Variants in ZFP28 observed in about 807,000 individuals in gnomAD.
ZFP28 encodes zinc finger protein 28 homolog.
Under a neutral mutation model 39.5 loss-of-function variants are expected in ZFP28, and 31 were observed. The observed-to-expected ratio is 0.79, with a 90% CI of 0.59 to 1.06. The LOEUF is 1.06. Ranked by LOEUF, ZFP28 falls within the 50% of genes least tolerant of loss-of-function variation. The pLI is 0.00. For synonymous variants in ZFP28, 400 were observed against 378.6 expected, an observed-to-expected ratio of 1.06 and a Z score of -0.66; for missense variants, 925 against 1,048.4, an observed-to-expected ratio of 0.88 and a Z score of 1.63.
rs748422450 is a variant in ZFP28 at position 56,550,588 on chromosome 19, C to T, written c.881C>T (p.Thr294Ile). Reference protein sequence around the residue: ...KEPWMVKRELTGSLFSGQRSV... With the variant: ...KEPWMVKRELIGSLFSGQRSV... Reference sequence around the variant, plus strand: ...CCCTGGATGGTGAAGCGAGAGCTGACAGGAAGCCTGTTCTCAGGTGAGTGC... The same window carrying T: ...CCCTGGATGGTGAAGCGAGAGCTGATAGGAAGCCTGTTCTCAGGTGAGTGC... Residue 294 changes from threonine to isoleucine, a missense_variant, in exon 7 of 8, where the codon ACA becomes ATA. Thr to Ile is a moderately conservative substitution (Grantham distance 89). Coordinates refer to ENST00000301318, the MANE Select transcript of ZFP28 (RefSeq NM_020828.2). 1 of 1,613,996 alleles carries T rather than the reference C, an allele frequency of 6.2e-7. No individual in the cohort carries two copies. The highest frequency in any genetic ancestry group is 1.3e-5 in the African/African-American group (1 of 74,926).
rs898072779 is a variant in ZFP28 at position 56,550,059 on chromosome 19, C to A, written c.688-8C>A. The A allele has an allele frequency of 2.5e-6, 4 of 1,604,898 alleles. No individual in the cohort carries two copies. In the African/African-American group the frequency reaches 5.3e-5, roughly 21 times the overall value. ...TTTGATTTAAAAAACGTGCTTTTAC[C>A]ATTGCAGGGCTTGGTGACTATCAAA... On this transcript the variant is annotated splice_polypyrimidine_tract_variant and splice_region_variant and intron_variant, in intron 5 of 7. Coordinates refer to ENST00000301318, the MANE Select transcript of ZFP28 (RefSeq NM_020828.2).
At chr19:56,542,502 T>C (rs893121099) in intron 2 of ZFP28, among the ~76,000 whole-genome samples, 6 of 152,238 alleles carry the variant, frequency 3.9e-5, no homozygotes, top group Non-Finnish European at 7.3e-5. Context: ...TGCATATAGG[T>C]GGACCCTTGC....
chr19:56,539,664 A>AC lies in ZFP28; in HGVS notation c.249dup (p.Lys84GlnfsTer11), dbSNP rs1259711977. On this transcript the variant is annotated frameshift_variant, in exon 2 of 8. Transcript: ENST00000301318. LOFTEE classifies it high-confidence loss of function. ...GACACTGCTCTTCCCCAGGAGAGAA[A>AC]CAAGAAGCTGGAGGCTGTGGGGACA... is the stretch of plus-strand genomic sequence containing the variant. 1.2e-6 allele frequency: 2 copies of AC among 1,613,998 alleles called. No individual in the cohort carries two copies. Among genetic ancestry groups the AC allele is most frequent in the Non-Finnish European group, 1.7e-6 (2 of 1,180,018 alleles).
upstream of ZFP28, chr19:56,538,913 G>T (rs1185656057): frequency 5.7e-6 from 6 of 1,052,968 alleles, no homozygotes; most frequent in African/African-American, 1.7e-5. Flanking sequence ...GCCGGGCCAT[G>T]GGGGAGCGCG....
intron 2 of ZFP28, chr19:56,546,008 T>C (rs1028696639): frequency 6.6e-6 from 1 of 152,272 alleles, no homozygotes; most frequent in African/African-American, 2.4e-5. Flanking sequence ...GTCAGCATCA[T>C]TACAAGTCAT....
intron 1 of ZFP28, 48 bp from the exon 2 acceptor site, chr19:56,539,577 T>G: frequency 6.6e-7 from 1 of 1,515,498 alleles, no homozygotes; most frequent in Non-Finnish European, 9.1e-7. Flanking sequence ...GCTGGTGATT[T>G]GGGACTGTGG....
chr19:56,539,787 C>A, intron 2 of ZFP28, 71 bp downstream of exon 2: 1 of 1,439,550 alleles, frequency 6.9e-7, no homozygotes, highest in Non-Finnish European at 9.6e-7. Flanking sequence ...TGCTTATTTT[C>A]TTGAAAGTTT....
upstream of ZFP28, chr19:56,538,091 T>G (rs548341264): frequency 3.8e-4 from 58 of 152,352 alleles, no homozygotes; most frequent in African/African-American, 1.4e-3. Flanking sequence ...GGGGTTAGAC[T>G]ATTTCGACCC....
At chr19:56,544,226 C>T (rs960504438) in intron 2 of ZFP28, among the ~76,000 whole-genome samples, 3 of 152,172 alleles carry the variant, frequency 2.0e-5, no homozygotes, top group Non-Finnish European at 4.4e-5. Flanking sequence ...AATATAGGAC[C>T]GAACTGGGCA....
At chr19:56,539,558 C>T in intron 1 of ZFP28, 67 bp from the exon 2 acceptor site, 2 of 1,340,272 alleles carry the variant, frequency 1.5e-6, no homozygotes, top group South Asian at 1.2e-5. Flanking sequence ...CAGGAAGGGA[C>T]GTTTCTAGGC....
Position 56,555,276 on chromosome 19 carries a change from C to T in ZFP28, c.2491C>T (p.His831Tyr). 1 of 1,614,194 alleles carries T rather than the reference C, an allele frequency of 6.2e-7. No homozygotes were observed. Among genetic ancestry groups the T allele is most frequent in the Non-Finnish European group, 8.5e-7 (1 of 1,180,042 alleles). ...CAGGCAAACTGCTCACTTAGCTCAT[C>T]ATCAGCGAATTCATACTGGAGAGTC... ...VFRQTAHLAHHQRIHTGESST... is the reference protein window; with the variant it reads ...VFRQTAHLAHYQRIHTGESST... Residue 831 changes from histidine (H) to tyrosine (Y), a missense_variant, in exon 8 of 8, where the codon CAT becomes TAT. Physicochemically the swap from His to Tyr is moderately conservative, Grantham distance 83 (BLOSUM62 2). Transcript: ENST00000301318.
chr19:56,541,877 A>AT (rs11297964), intron 2 of ZFP28, among the ~76,000 whole-genome samples: 987 of 61,320 alleles, frequency 0.016, 32 homozygotes, highest in Non-Finnish European at 0.021. Context: ...CACCTGGCTA[A>AT]TTTTTTTTTT....
rs1217806607 is a variant in ZFP28, at chr19:56,547,624, G to A, written c.417G>A (p.Leu139=). 1 of 1,610,208 alleles carries A rather than the reference G, an allele frequency of 6.2e-7. No individual in the cohort carries two copies. The change falls in exon 3 of 8, where the codon CTG becomes CTA. Residue 139 remains leucine, a synonymous_variant. Coordinates refer to ENST00000301318, the MANE Select transcript of ZFP28 (RefSeq NM_020828.2). This position sits in a 1 kb window ranked among gnomAD's most constrained non-coding sequence, Gnocchi z 4.6. ...RKVMLENYRN[L]ASLGLCVSKP... ...TGATGTTGGAGAACTACAGGAACCTGGCATCGCTGGGTAAGGGCTCCCACC... is the reference window on the plus strand; with the variant it reads ...TGATGTTGGAGAACTACAGGAACCTAGCATCGCTGGGTAAGGGCTCCCACC...
At chr19:56,551,998 G>C in intron 7 of ZFP28, 3 of 957,802 alleles carry the variant, frequency 3.1e-6, no homozygotes, top group Non-Finnish European at 3.7e-6. Context: ...ATATAGTCCA[G>C]TATATTATTT....
intron 2 of ZFP28, among the ~76,000 whole-genome samples, chr19:56,544,919 TAC>T (rs2044226957): frequency 1.3e-5 from 2 of 152,190 alleles, no homozygotes; most frequent in South Asian, 4.1e-4. Context: ...TCTACGTGAT[TAC>T]ATTGAAGGCA....
chr19:56,554,716 C>T lies in ZFP28; in HGVS notation c.1931C>T (p.Pro644Leu), dbSNP rs2044335420. 1 of 1,614,138 alleles carries T rather than the reference C, an allele frequency of 6.2e-7. No individual in the cohort carries two copies. Among genetic ancestry groups the T allele is most frequent in the Non-Finnish European group, 8.5e-7 (1 of 1,180,042 alleles). The change falls in exon 8 of 8, where the codon CCC becomes CTC. Residue 644 changes from proline to leucine, a missense_variant. By Grantham distance (98) the Pro-to-Leu change is moderately conservative. Transcript: ENST00000301318. This position sits in a 1 kb window ranked among gnomAD's most constrained non-coding sequence, Gnocchi z 6.7. The part of the protein sequence containing the change: ...THQRIHTGEK[P>L]YECKVCSKAF... ...CAGAGAATCCATACTGGAGAGAAGC[C>T]CTATGAATGTAAGGTTTGTAGTAAA...
intron 2 of ZFP28, among the ~76,000 whole-genome samples, chr19:56,543,595 T>G (rs1352736574): frequency 6.6e-6 from 1 of 151,996 alleles, no homozygotes; most frequent in Non-Finnish European, 1.5e-5. Context: ...ATGAGTTAAC[T>G]TACATCAGAT....
chr19:56,542,196 A>G (rs1005474110), intron 2 of ZFP28, among the ~76,000 whole-genome samples: 1 of 152,160 alleles, frequency 6.6e-6, no homozygotes, highest in African/African-American at 2.4e-5. Context: ...TCTGTCACCC[A>G]GGCTGGAGTG....
intron 2 of ZFP28, among the ~76,000 whole-genome samples, chr19:56,540,688 C>T (rs2044188095): frequency 6.6e-6 from 1 of 151,626 alleles, no homozygotes; most frequent in South Asian, 2.1e-4. Context: ...GAAAGTCCTG[C>T]TGCATCTACT....
Sources: allele counts gnomAD v4.1 joint callset (sites outside exome capture counted in the v4.1 genomes callset), GRCh38; gene constraint gnomAD v4.1.1; non-coding constraint Gnocchi (gnomAD v3.1); transcripts MANE v1.5; gene names NCBI Gene and HGNC (gene_info 2026-07-23, HGNC 2026-07-21).